Variants in TACR1 observed in about 807,000 individuals in gnomAD.
TACR1 encodes substance-P receptor.
In TACR1, 25 loss-of-function variants were observed where a neutral mutation model predicts 35.8. The ratio of observed to expected loss-of-function variants is 0.70; its 90% CI spans 0.51 to 0.98. The LOEUF (loss-of-function observed/expected upper bound fraction) is 0.98. Among genes scored for constraint, TACR1 ranks in the 50% least tolerant of loss-of-function variants. The probability of loss-of-function intolerance (pLI) is 0.00; values close to 1 mark genes in which losing one functional copy is unlikely to be tolerated. For missense variants in TACR1, 478 were observed against 522.9 expected (o/e 0.91, Z 0.84); for synonymous variants, 195 against 206.7 (o/e 0.94, Z 0.48).
chr2:75,168,117 C>T (rs1342727279), intron 1 of TACR1, among the ~76,000 whole-genome samples: 2 of 152,140 alleles, frequency 1.3e-5, no homozygotes, highest in Admixed American at 1.3e-4. Flanking sequence ...ACTCAGTTTT[C>T]ACAGACTATG....
At chr2:75,067,327 G>A (rs1672782957) in intron 2 of TACR1, among the ~76,000 whole-genome samples, 2 of 152,256 alleles carry the variant, frequency 1.3e-5, no homozygotes, top group Non-Finnish European at 2.9e-5. Flanking sequence ...TCAGGTTTGG[G>A]GCCAGCCGTG....
At chr2:75,174,165 AG>A (rs1675357934) in intron 1 of TACR1, among the ~76,000 whole-genome samples, 1 of 152,214 alleles carries the variant, frequency 6.6e-6, no homozygotes, top group Admixed American at 6.5e-5. Context: ...ACCCTCAAGT[AG>A]TATCATTGTT....
intron 2 of TACR1, among the ~76,000 whole-genome samples, chr2:75,113,556 T>TTTTTTTTTTC (rs1673794322): frequency 6.9e-6 from 1 of 144,520 alleles, no homozygotes; most frequent in African/African-American, 2.6e-5. Context: ...TTTTTTTTTT[T>TTTTTTTTTTC]ACTTTGTTCA....
chr2:75,196,064 T>A (rs1448463517), intron 1 of TACR1, among the ~76,000 whole-genome samples: 1 of 152,194 alleles, frequency 6.6e-6, no homozygotes, highest in East Asian at 1.9e-4. Context: ...AGTGAACAGG[T>A]TTAATTTTAC....
At position 75,199,187 on chromosome 2, in the gene TACR1, G is replaced by A. The variant is rs1676071487; in HGVS notation, c.-253C>T. ...CTTCAGGAGACGTTTGAGTTCAGAA[G>A]TCTGGAGACAGCATCTCTCTTGCGG... On this transcript the variant is annotated 5_prime_UTR_variant, in exon 1 of 5. Transcript: ENST00000305249. 1 of 483,554 alleles carries A rather than the reference G, an allele frequency of 2.1e-6. No individual in the cohort carries two copies. Among genetic ancestry groups the A allele is most frequent in the South Asian group, 3.3e-5 (1 of 30,440 alleles). The allele number at this position is 483,554 out of a possible 1,614,324, so 30.0% of individuals were successfully genotyped here.
At chr2:75,197,075 A>AT (rs1558590516) in intron 1 of TACR1, among the ~76,000 whole-genome samples, 1 of 152,260 alleles carries the variant, frequency 6.6e-6, no homozygotes, top group South Asian at 2.1e-4. Context: ...AGTACAAAAG[A>AT]TAAATTTGCA....
chr2:75,102,173 T>C (rs1673544663), intron 2 of TACR1, among the ~76,000 whole-genome samples: 1 of 152,112 alleles, frequency 6.6e-6, no homozygotes, highest in Admixed American at 6.6e-5. Flanking sequence ...GTCATCCTGG[T>C]TGACAATCTT....
chr2:75,152,422 T>A (rs920801696), intron 1 of TACR1, among the ~76,000 whole-genome samples: 2 of 152,168 alleles, frequency 1.3e-5, no homozygotes, highest in African/African-American at 4.8e-5. Flanking sequence ...TATCAGGGGT[T>A]TCTGCTTTTG....
intron 2 of TACR1, among the ~76,000 whole-genome samples, chr2:75,110,000 C>T (rs1256713124): frequency 2.0e-5 from 3 of 152,238 alleles, no homozygotes; most frequent in South Asian, 2.1e-4. Context: ...ATTAAAAGGT[C>T]TCAGCAATGA....
intron 1 of TACR1, among the ~76,000 whole-genome samples, chr2:75,180,822 T>A (rs1675543105): frequency 6.6e-6 from 1 of 152,246 alleles, no homozygotes; most frequent in Non-Finnish European, 1.5e-5. Flanking sequence ...GCTGAGGTCA[T>A]GTGGTTGTTT....
chr2:75,097,455 A>G (rs983001198), intron 2 of TACR1, among the ~76,000 whole-genome samples: 2 of 151,948 alleles, frequency 1.3e-5, no homozygotes, highest in African/African-American at 4.8e-5. Flanking sequence ...GACTTGACCT[A>G]AACTTTCTCT....
At chr2:75,166,551 C>T (rs1249386461) in intron 1 of TACR1, among the ~76,000 whole-genome samples, 2 of 152,194 alleles carry the variant, frequency 1.3e-5, no homozygotes, top group African/African-American at 2.4e-5. Flanking sequence ...ACCCCACTCC[C>T]ACACACCTTT....
chr2:75,065,097 C>T (rs1672738917), intron 2 of TACR1, among the ~76,000 whole-genome samples: 3 of 152,208 alleles, frequency 2.0e-5, no homozygotes, highest in Admixed American at 2.0e-4. Flanking sequence ...GCCCCAGATA[C>T]GGAAATGTGA....
intron 1 of TACR1, among the ~76,000 whole-genome samples, chr2:75,157,374 C>A (rs1674889266): frequency 6.6e-6 from 1 of 152,174 alleles, no homozygotes; most frequent in Non-Finnish European, 1.5e-5. Context: ...CTTCTCTTTC[C>A]TACTCTCCCA....
chr2:75,049,184 CT>C lies in TACR1; in HGVS notation c.*247del. 2.0e-6 allele frequency: 1 copy of C among 492,586 alleles called. No individual in the cohort carries two copies. Among genetic ancestry groups the C allele is most frequent in the Non-Finnish European group, 3.6e-6 (1 of 281,082 alleles). The allele number at this position is 492,586 out of a possible 1,614,324, so 30.5% of individuals were successfully genotyped here. On this transcript the variant is annotated 3_prime_UTR_variant, in exon 5 of 5. Transcript: ENST00000305249. ...GGCTTTTGGGAAAAGCTGGTCCGACCTTTTATTTTACAGGCTCAGCAAAGTT... is the reference window on the plus strand; with the variant it reads ...GGCTTTTGGGAAAAGCTGGTCCGACCTTTATTTTACAGGCTCAGCAAAGTT...
intron 2 of TACR1, among the ~76,000 whole-genome samples, chr2:75,107,710 A>G (rs1043773864): frequency 3.3e-5 from 5 of 152,058 alleles, no homozygotes; most frequent in African/African-American, 9.7e-5. Flanking sequence ...GCATTTATGG[A>G]ATGGAGACAA....
rs1676066726 is a variant in TACR1, at chr2:75,198,978, C to G, written c.-44G>C. 5.7e-6 allele frequency: 9 copies of G among 1,590,490 alleles called. No individual in the cohort carries two copies. Among genetic ancestry groups the G allele is most frequent in the Non-Finnish European group, 7.7e-6 (9 of 1,167,112 alleles). On this transcript the variant is annotated 5_prime_UTR_variant, in exon 1 of 5. Transcript: ENST00000305249. ...AGCCCTACTATCTGTACACAACCCC[C>G]CTCTGCAGCAGAGTCCTGTGGCTGG...
At chr2:75,055,094 A>G (rs968510978) in intron 2 of TACR1, among the ~76,000 whole-genome samples, 13 of 152,262 alleles carry the variant, frequency 8.5e-5, no homozygotes, top group African/African-American at 2.4e-4. Context: ...AAGCCACCCA[A>G]TGATTTTTTT....
intron 1 of TACR1, among the ~76,000 whole-genome samples, chr2:75,156,697 T>C (rs1674868142): frequency 6.6e-6 from 1 of 151,906 alleles, no homozygotes; most frequent in African/African-American, 2.4e-5. Context: ...CTGGTCTACA[T>C]AACAGTGAGA....
Sources: gnomAD v4.1 joint callset for allele counts (sites outside exome capture counted in the v4.1 genomes callset) on GRCh38, gnomAD v4.1.1 for gene constraint, MANE v1.5 for transcripts, NCBI Gene and HGNC (gene_info 2026-07-23, HGNC 2026-07-21) for gene names.